The following XKR6 variants were observed in gnomAD, a reference collection of about 807,000 sequenced individuals.
The protein encoded by XKR6 is XK-related protein 6.
Under a neutral mutation model 56.7 loss-of-function variants are expected in XKR6, and 22 were observed. The observed-to-expected ratio is 0.39, with a 90% CI of 0.28 to 0.55. The LOEUF is 0.55. Among genes scored for constraint, XKR6 ranks in the 20% least tolerant of loss-of-function variants. The pLI is 0.66. For missense variants in XKR6, 852 were observed against 889.0 expected, an observed-to-expected ratio of 0.96 and a Z score of 0.53; for synonymous variants, 524 against 387.8, an observed-to-expected ratio of 1.35 and a Z score of -4.13.
intron 1 of XKR6, chr8:11,062,517 C>T (rs1414962472): frequency 2.8e-6 from 1 of 354,058 alleles, no homozygotes; most frequent in East Asian, 7.5e-5. Flanking sequence ...ATCACCATCT[C>T]TCCTCTACCT....
intron 1 of XKR6, among the ~76,000 whole-genome samples, chr8:11,066,346 G>A (rs907195740): frequency 5.9e-5 from 9 of 152,202 alleles, no homozygotes; most frequent in African/African-American, 2.2e-4. Flanking sequence ...TGCATCTTCA[G>A]GAATACACTG....
intron 1 of XKR6, among the ~76,000 whole-genome samples, chr8:10,997,196 GAC>G (rs1013895567): frequency 6.6e-6 from 1 of 152,052 alleles, no homozygotes; most frequent in Admixed American, 6.5e-5. Context: ...ACCTAGCAAA[GAC>G]ACACAGAGCA....
intron 1 of XKR6, among the ~76,000 whole-genome samples, chr8:10,958,928 C>A (rs578103980): frequency 6.6e-6 from 1 of 152,314 alleles, no homozygotes; most frequent in South Asian, 2.1e-4. Context: ...GACAGCGGGT[C>A]TCACCTTTTG....
At chr8:11,177,661 G>T (rs936055529) in intron 1 of XKR6, among the ~76,000 whole-genome samples, 1 of 152,242 alleles carries the variant, frequency 6.6e-6, no homozygotes. Flanking sequence ...AAACACCAGT[G>T]ACAGCAGAGG....
intron 1 of XKR6, among the ~76,000 whole-genome samples, chr8:11,161,169 G>C (rs1801785316): frequency 6.6e-6 from 1 of 152,150 alleles, no homozygotes; most frequent in Non-Finnish European, 1.5e-5. Flanking sequence ...TTAAATTCAA[G>C]AAATCAAAGA....
chr8:11,148,498 T>C (rs1407062597), intron 1 of XKR6, among the ~76,000 whole-genome samples: 1 of 152,218 alleles, frequency 6.6e-6, no homozygotes, highest in Non-Finnish European at 1.5e-5. Flanking sequence ...GCGCCCCAGT[T>C]TGTGGTTGTT....
In XKR6 at chr8:10,908,933, G is replaced by T. The variant is rs551396786; in HGVS notation, c.962-10017C>A. Among the ~76,000 whole-genome samples, 3 of 152,322 alleles carry T rather than the reference G, an allele frequency of 2.0e-5. No homozygotes were observed. In the South Asian group the frequency reaches 6.2e-4, roughly 32 times the overall value. The stretch of plus-strand genomic sequence containing the variant: ...TAATCCCAGAACTTTGGGAGGCCGA[G>T]GTGGGCAGATCACTTGAGGTCAGGA... On this transcript the variant is annotated intron_variant, in intron 2 of 2. Coordinates refer to ENST00000416569, the MANE Select transcript of XKR6 (RefSeq NM_173683.4).
chr8:11,151,049 T>A (rs914615402), intron 1 of XKR6, among the ~76,000 whole-genome samples: 6 of 152,132 alleles, frequency 3.9e-5, no homozygotes, highest in African/African-American at 1.4e-4. Context: ...CCCAAACTAA[T>A]ATGCTTCATA....
At chr8:11,057,410 A>G (rs1799712723) in intron 1 of XKR6, among the ~76,000 whole-genome samples, 1 of 152,220 alleles carries the variant, frequency 6.6e-6, no homozygotes, top group South Asian at 2.1e-4. Flanking sequence ...GAGGCTCAAA[A>G]ACCACCTTTC....
In XKR6 at chr8:11,054,726, A is replaced by G. The variant is rs147371819; in HGVS notation, c.765-129896T>C. 4.7e-4 allele frequency among the ~76,000 whole-genome samples: 72 copies of G among 152,210 alleles called. 1 individual carries two copies. The highest frequency in any genetic ancestry group is 4.0e-4 in the Non-Finnish European group (27 of 68,000). ...TTCTTGCTGGTGGGTGGGAAGGAGG[A>G]AGGAAGTGTGGGTGGACGGGGTGTG... On this transcript the variant is annotated intron_variant, in intron 1 of 2. Coordinates refer to ENST00000416569, the MANE Select transcript of XKR6 (RefSeq NM_173683.4).
chr8:11,108,038 C>A, intron 1 of XKR6: 1 of 326,480 alleles, frequency 3.1e-6, no homozygotes, highest in South Asian at 2.4e-5. Flanking sequence ...CTCAGCGAGG[C>A]TGTATTTTGT....
At chr8:11,157,573 T>C (rs1355761818) in intron 1 of XKR6, among the ~76,000 whole-genome samples, 1 of 152,154 alleles carries the variant, frequency 6.6e-6, no homozygotes, top group Non-Finnish European at 1.5e-5. Context: ...TGGTGTGCAG[T>C]GGCGTGATCA....
chr8:11,025,887 G>A (rs1798849641), intron 1 of XKR6, among the ~76,000 whole-genome samples: 1 of 152,164 alleles, frequency 6.6e-6, no homozygotes, highest in Non-Finnish European at 1.5e-5. Context: ...CTGAGCACTT[G>A]AAATGTGGCT....
At chr8:10,971,828 C>T (rs995728441) in intron 1 of XKR6, among the ~76,000 whole-genome samples, 1 of 152,122 alleles carries the variant, frequency 6.6e-6, no homozygotes, top group African/African-American at 2.4e-5. Flanking sequence ...CACCATGGAG[C>T]CCACTGTGGG....
chr8:11,042,271 T>C (rs1799304858), intron 1 of XKR6, among the ~76,000 whole-genome samples: 1 of 151,866 alleles, frequency 6.6e-6, no homozygotes, highest in Non-Finnish European at 1.5e-5. Flanking sequence ...TGCATTATAC[T>C]AGTTGAGTAT....
rs553186278 is a variant in XKR6 at position 11,201,798 on chromosome 8, G to A, written c.-459C>T. Among the ~76,000 whole-genome samples the A allele has an allele frequency of 1.2e-4, 19 of 152,216 alleles. No individual in the cohort carries two copies. Among genetic ancestry groups the A allele is most frequent in the Middle Eastern group, 3.4e-3 (1 of 294 alleles). On this transcript the variant is annotated 5_prime_UTR_variant, in exon 1 of 3. Transcript: ENST00000416569. ...TGGGGTCCCCTTCCTCAGCGTCGCA[G>A]CTCACAGCTTTCCTCCTGGAGAAAC...
Position 10,898,372 on chromosome 8 carries a change from T to G in XKR6, c.1506A>C (p.Gly502=). 1 of 1,613,964 alleles carries G rather than the reference T, an allele frequency of 6.2e-7. No homozygotes were observed. The highest frequency in any genetic ancestry group is 1.1e-5 in the South Asian group (1 of 91,066). Residue 502 remains glycine (G), a synonymous_variant, in exon 3 of 3, where the codon GGA becomes GGC. Transcript: ENST00000416569. The surrounding 1 kb of genome is among the most constrained non-coding windows in gnomAD (Gnocchi z 6.6). ...AGCTGGCAAGGATCTTAGCTCGTGG[T>G]CCTGTGGGATGCAGCACGCCATAGT... is the stretch of plus-strand genomic sequence containing the variant. ...LLYYGVLHPT[G]PRAKILASSC...
intron 2 of XKR6, among the ~76,000 whole-genome samples, chr8:10,915,607 A>C (rs1800540761): frequency 6.6e-6 from 1 of 152,130 alleles, no homozygotes. Context: ...TTCAAGCCAG[A>C]GTGGTGCAGT....
chr8:11,048,479 T>A (rs544974423), intron 1 of XKR6, among the ~76,000 whole-genome samples: 2 of 152,280 alleles, frequency 1.3e-5, no homozygotes, highest in East Asian at 3.9e-4. Context: ...TTAATATGTA[T>A]AGCAATACCA....
Sources: gnomAD v4.1 joint callset for allele counts (sites outside exome capture counted in the v4.1 genomes callset) on GRCh38, gnomAD v4.1.1 for gene constraint, Gnocchi (gnomAD v3.1) non-coding constraint, MANE v1.5 for transcripts, NCBI Gene and HGNC (gene_info 2026-07-23, HGNC 2026-07-21) for gene names.